Variants in TTBK2 observed in about 807,000 individuals in gnomAD.
TTBK2 encodes tau tubulin kinase 2.
TTBK2 carries 28 observed loss-of-function variants against 110.8 expected under a neutral mutation model. The observed-to-expected ratio is 0.25, with a 90% CI of 0.19 to 0.35. The LOEUF is 0.35. TTBK2 is among the 10% of genes least tolerant of loss of function. The pLI, the probability that TTBK2 is intolerant of heterozygous loss-of-function variation, is 1.00. For missense variants in TTBK2, 1,369 were observed against 1,500.3 expected, an observed-to-expected ratio of 0.91 and a Z score of 1.45; for synonymous variants, 532 against 527.3, an observed-to-expected ratio of 1.01 and a Z score of -0.12.
chr15:42,815,954 A>ATATATATATATATATAT lies in TTBK2; in HGVS notation c.603+1077_603+1078insATATATATATATATATA, dbSNP rs1393860735. Among the ~76,000 whole-genome samples the ATATATATATATATATAT allele has an allele frequency of 1.5e-4, 8 of 53,388 alleles. No individual in the cohort carries two copies. In the South Asian group the frequency reaches 5.4e-3, roughly 36 times the overall value. The allele number at this position is 53,388 out of a possible 152,430, so 35.0% of individuals were successfully genotyped here. ...AAAATATATATATATATATTTAAAA[A>ATATATATATATATATAT]AAAAATATATATATATATATATATT... On this transcript the variant is annotated intron_variant, in intron 7 of 14. Coordinates refer to ENST00000267890, the MANE Select transcript of TTBK2 (RefSeq NM_173500.4).
At chr15:42,874,676 A>T (rs568970255) in intron 2 of TTBK2, among the ~76,000 whole-genome samples, 16 of 151,126 alleles carry the variant, frequency 1.1e-4, no homozygotes, top group Non-Finnish European at 1.8e-4. Context: ...CTACAGGATG[A>T]GTTCAAGATT....
chr15:42,868,983 G>A (rs1194569038), intron 3 of TTBK2, among the ~76,000 whole-genome samples: 3 of 152,076 alleles, frequency 2.0e-5, no homozygotes, highest in African/African-American at 4.8e-5. Flanking sequence ...TTTTTCAGAA[G>A]TACTGATGGT....
At chr15:42,851,058 T>C (rs1400140500) in intron 3 of TTBK2, among the ~76,000 whole-genome samples, 1 of 151,126 alleles carries the variant, frequency 6.6e-6, no homozygotes, top group African/African-American at 2.4e-5. Flanking sequence ...ACCCCGTCTC[T>C]ACTAAAAATA....
At chr15:42,810,567 A>C in intron 9 of TTBK2, 47 bp downstream of exon 9, 1 of 1,610,550 alleles carries the variant, frequency 6.2e-7, no homozygotes, top group Non-Finnish European at 8.5e-7. Flanking sequence ...GAAAGCATAG[A>C]CTAAGAGAGA....
At chr15:42,897,032 C>A (rs935353564) in intron 1 of TTBK2, among the ~76,000 whole-genome samples, 2 of 151,974 alleles carry the variant, frequency 1.3e-5, no homozygotes. Flanking sequence ...GCGCCTGCCA[C>A]CACACCTGGC....
chr15:42,864,399 A>T (rs1304360583), intron 3 of TTBK2, among the ~76,000 whole-genome samples: 1 of 152,168 alleles, frequency 6.6e-6, no homozygotes, highest in Non-Finnish European at 1.5e-5. Flanking sequence ...AGCCTGACCA[A>T]CATGGAAAAA....
In TTBK2 at chr15:42,740,559, T is replaced by A. The variant is rs2061743878; in HGVS notation, c.*5236A>T. ...GACTTTATTTTTGTTTTACTTTTTT[T>A]TTTTTTTTTTTTTGAGACGGAGTCT... On this transcript the variant is annotated 3_prime_UTR_variant, in exon 15 of 15. Transcript: ENST00000267890. The A allele has an allele frequency of 2.0e-5, 3 of 149,208 alleles. No individual in the cohort carries two copies. Among genetic ancestry groups the A allele is most frequent in the Non-Finnish European group, 1.5e-5 (1 of 67,086 alleles). 9.2% of individuals were successfully genotyped at this position (149,208 alleles called of 1,614,324 possible). A position where few individuals can be genotyped will look rare whatever the true frequency, so the allele number is the denominator to read the frequency against.
chr15:42,761,285 G>A (rs1289591217), intron 13 of TTBK2, among the ~76,000 whole-genome samples: 2 of 152,112 alleles, frequency 1.3e-5, no homozygotes, highest in African/African-American at 4.8e-5. Flanking sequence ...AATACTTTAT[G>A]AATAAGACCT....
intron 11 of TTBK2, among the ~76,000 whole-genome samples, chr15:42,780,441 A>T (rs1024395005): frequency 6.6e-6 from 1 of 151,722 alleles, no homozygotes; most frequent in South Asian, 2.1e-4. Context: ...CAGTCCTTGC[A>T]GTATCAGAAA....
intron 9 of TTBK2, chr15:42,801,953 G>C (rs1414152588): frequency 6.3e-7 from 1 of 1,586,568 alleles, no homozygotes; most frequent in Non-Finnish European, 8.6e-7. Context: ...TCCTGGCCCA[G>C]AGTCTCCAGC....
intron 5 of TTBK2, 101 bp downstream of exon 5, chr15:42,829,837 C>A: frequency 6.7e-7 from 1 of 1,490,824 alleles, no homozygotes; most frequent in South Asian, 1.1e-5. Flanking sequence ...TTGTATTTTA[C>A]CACAGCAAAT....
chr15:42,747,998 A>G (rs2061818682), intron 14 of TTBK2, among the ~76,000 whole-genome samples: 1 of 152,230 alleles, frequency 6.6e-6, no homozygotes. Context: ...AAAAAATATT[A>G]GGGTTGAAGG....
chr15:42,785,313 G>A (rs1223995610), intron 10 of TTBK2, among the ~76,000 whole-genome samples: 1 of 152,010 alleles, frequency 6.6e-6, no homozygotes, highest in Non-Finnish European at 1.5e-5. Context: ...TAGAGATGGG[G>A]TTTTGCCATG....
intron 3 of TTBK2, among the ~76,000 whole-genome samples, chr15:42,847,543 A>T (rs1312890090): frequency 2.0e-5 from 3 of 152,246 alleles, no homozygotes; most frequent in South Asian, 4.1e-4. Context: ...TCTAAAAGTT[A>T]CACAGCTTTA....
At chr15:42,810,182 T>C (rs1229333237) in intron 9 of TTBK2, among the ~76,000 whole-genome samples, 2 of 152,152 alleles carry the variant, frequency 1.3e-5, no homozygotes, top group Non-Finnish European at 2.9e-5. Context: ...ACAGGCAAAA[T>C]GGAGCCAATT....
chr15:42,861,076 T>A (rs1229229981), intron 3 of TTBK2, among the ~76,000 whole-genome samples: 2 of 152,316 alleles, frequency 1.3e-5, no homozygotes, highest in East Asian at 3.9e-4. Context: ...TAAATACATA[T>A]GCACCCAATA....
At chr15:42,912,604 G>A (rs907977419) in intron 1 of TTBK2, among the ~76,000 whole-genome samples, 10 of 152,094 alleles carry the variant, frequency 6.6e-5, no homozygotes, top group Admixed American at 1.3e-4. Flanking sequence ...CCAGCTACTC[G>A]GGAGGCTGAG....
At chr15:42,903,043 T>A (rs946159465) in intron 1 of TTBK2, among the ~76,000 whole-genome samples, 3 of 152,050 alleles carry the variant, frequency 2.0e-5, no homozygotes, top group South Asian at 2.1e-4. Flanking sequence ...ATTTTTTTTT[T>A]ATTTGAGACA....
At chr15:42,882,667 T>C (rs973235692) in intron 1 of TTBK2, among the ~76,000 whole-genome samples, 3 of 151,950 alleles carry the variant, frequency 2.0e-5, no homozygotes, top group Admixed American at 2.0e-4. Flanking sequence ...ATATTACTTA[T>C]AGGGTAACAA....
Sources: gnomAD v4.1 joint callset for allele counts (sites outside exome capture counted in the v4.1 genomes callset) on GRCh38, gnomAD v4.1.1 for gene constraint, MANE v1.5 for transcripts, NCBI Gene and HGNC (gene_info 2026-07-23, HGNC 2026-07-21) for gene names.